The following KANK1 variants were observed in gnomAD, a reference collection of about 807,000 sequenced individuals.
KANK1 encodes KN motif and ankyrin repeat domain-containing protein 1.
Under a neutral mutation model 106.2 loss-of-function variants are expected in KANK1, and 109 were observed. That is an observed-to-expected ratio of 1.03 (90% CI 0.88 to 1.20). The LOEUF (loss-of-function observed/expected upper bound fraction) is 1.20. KANK1 is among the 50% of genes most tolerant of loss of function. The pLI is 0.00. For synonymous variants in KANK1, 873 were observed against 652.2 expected, an observed-to-expected ratio of 1.34 and a Z score of -5.16; for missense variants, 2,399 against 1,710.7, an observed-to-expected ratio of 1.40 and a Z score of -7.10.
rs184944074 is a variant in KANK1 at position 606,876 on chromosome 9, A to G, written c.-83-70014A>G. ...TGTGGAAATAGCAGAAAGGAAAAAC[A>G]AAGTCCCTGCTCTCAGAAGGTTTAG... On this transcript the variant is annotated intron_variant, in intron 1 of 11. Transcript: ENST00000382297. Among the ~76,000 whole-genome samples the G allele has an allele frequency of 6.3e-3, 949 of 151,802 alleles. 13 individuals are homozygous for G. Among genetic ancestry groups the G allele is most frequent in the South Asian group, 0.043 (208 of 4,818 alleles).
chr9:649,807 G>A (rs1840485228), intron 1 of KANK1, among the ~76,000 whole-genome samples: 1 of 152,148 alleles, frequency 6.6e-6, no homozygotes, highest in African/African-American at 2.4e-5. Context: ...GGTGTAAAAT[G>A]CTTTTGTCCC....
chr9:487,499 G>C (rs2058312696), intron 3 of KANK1, among the ~76,000 whole-genome samples: 1 of 152,142 alleles, frequency 6.6e-6, no homozygotes, highest in Non-Finnish European at 1.5e-5. Context: ...GGTTCATTGG[G>C]ATGTCATAAC....
At chr9:695,614 G>T (rs732118) in intron 2 of KANK1, among the ~76,000 whole-genome samples, 112,843 of 149,128 alleles carry the variant, frequency 0.76, 42,590 homozygotes, top group Middle Eastern at 0.82. Flanking sequence ...TTCGTGGGGG[G>T]GGGGGCAAGG....
intron 1 of KANK1, among the ~76,000 whole-genome samples, chr9:625,549 A>G (rs1390798554): frequency 6.6e-6 from 1 of 151,588 alleles, no homozygotes; most frequent in East Asian, 1.9e-4. Context: ...TAAAAGTTCT[A>G]TATTTCTACA....
chr9:639,409 C>T (rs1319598703), intron 1 of KANK1, among the ~76,000 whole-genome samples: 1 of 152,134 alleles, frequency 6.6e-6, no homozygotes, highest in Non-Finnish European at 1.5e-5. Context: ...CTCCTCCTCC[C>T]TGGCTCAAGG....
intron 2 of KANK1, among the ~76,000 whole-genome samples, chr9:681,451 TTGATA>T (rs1490934595): frequency 6.6e-6 from 1 of 152,172 alleles, no homozygotes; most frequent in Admixed American, 6.5e-5. Context: ...AATGCACTGA[TTGATA>T]CCTCTCTAAA....
At chr9:497,119 CT>C (rs1170837698) in intron 3 of KANK1, among the ~76,000 whole-genome samples, 2 of 152,200 alleles carry the variant, frequency 1.3e-5, no homozygotes, top group African/African-American at 4.8e-5. Flanking sequence ...CTTTCCTTTC[CT>C]TTCAAACAGT....
intron 2 of KANK1, among the ~76,000 whole-genome samples, chr9:679,106 C>T (rs1056969156): frequency 5.3e-5 from 8 of 152,128 alleles, no homozygotes; most frequent in Non-Finnish European, 1.2e-4. Context: ...CAGGTCTGGG[C>T]ATTGAGGTTG....
chr9:647,716 T>C (rs748096889), intron 1 of KANK1, among the ~76,000 whole-genome samples: 1 of 150,936 alleles, frequency 6.6e-6, no homozygotes, highest in Non-Finnish European at 1.5e-5. Context: ...AGCTATTTTT[T>C]ACTTGTTAAC....
Position 642,047 on chromosome 9 carries a change from G to A in KANK1, c.-83-34843G>A, listed in dbSNP as rs141385638. Among the ~76,000 whole-genome samples, 25 of 152,168 alleles carry A rather than the reference G, an allele frequency of 1.6e-4. No individual in the cohort carries two copies. In the East Asian group the frequency reaches 4.8e-3, roughly 29 times the overall value. ...CATTATTCTACTTTCTGTGTCCATG[G>A]GTATATTAAATACTGTGTTGTAACT... On this transcript the variant is annotated intron_variant, in intron 1 of 11. Coordinates refer to ENST00000382297, the MANE Select transcript of KANK1 (RefSeq NM_015158.5).
At chr9:607,357 C>T (rs1177059383) in intron 1 of KANK1, among the ~76,000 whole-genome samples, 3 of 151,500 alleles carry the variant, frequency 2.0e-5, no homozygotes, top group African/African-American at 2.4e-5. Flanking sequence ...TGGCGACGCA[C>T]ACCTGTAGTC....
At chr9:542,964 T>C (rs1350442087) in intron 1 of KANK1, among the ~76,000 whole-genome samples, 1 of 152,192 alleles carries the variant, frequency 6.6e-6, no homozygotes, top group East Asian at 1.9e-4. Flanking sequence ...TCTGGAGATC[T>C]ATTGTACAGT....
intron 1 of KANK1, among the ~76,000 whole-genome samples, chr9:508,591 G>C (rs1040180699): frequency 2.6e-5 from 4 of 151,784 alleles, no homozygotes; most frequent in African/African-American, 9.7e-5. Flanking sequence ...AAGAGTAACC[G>C]TTGTGCCAAC....
At chr9:578,436 A>G (rs1299315389) in intron 1 of KANK1, among the ~76,000 whole-genome samples, 3 of 151,730 alleles carry the variant, frequency 2.0e-5, no homozygotes, top group Non-Finnish European at 4.4e-5. Context: ...TAAATGTTTC[A>G]TTTCTTATTA....
chr9:480,817 A>T (rs1348392161), intron 3 of KANK1, among the ~76,000 whole-genome samples: 1 of 152,190 alleles, frequency 6.6e-6, no homozygotes. Flanking sequence ...AAATTCCTTA[A>T]GGGGTTGGGC....
intron 1 of KANK1, among the ~76,000 whole-genome samples, chr9:538,688 G>C (rs574557247): frequency 2.6e-5 from 4 of 152,184 alleles, no homozygotes; most frequent in African/African-American, 4.8e-5. Context: ...CATAAGGAAG[G>C]AGTCAGAGTT....
intron 1 of KANK1, among the ~76,000 whole-genome samples, chr9:658,505 A>G (rs1302773772): frequency 6.6e-6 from 1 of 151,986 alleles, no homozygotes; most frequent in Non-Finnish European, 1.5e-5. Flanking sequence ...TGAAGACCGC[A>G]TTGTCAATTT....
At chr9:559,166 C>T (rs1815703819) in intron 1 of KANK1, among the ~76,000 whole-genome samples, 1 of 151,968 alleles carries the variant, frequency 6.6e-6, no homozygotes, top group Non-Finnish European at 1.5e-5. Context: ...AGATTTGTCA[C>T]CTTCTTGTGA....
At chr9:709,069 C>T (rs1275558398) in intron 2 of KANK1, among the ~76,000 whole-genome samples, 1 of 152,168 alleles carries the variant, frequency 6.6e-6, no homozygotes, top group African/African-American at 2.4e-5. Flanking sequence ...TTGCCCTTAT[C>T]TTCATTCTTT....
Sources: allele counts gnomAD v4.1 joint callset (sites outside exome capture counted in the v4.1 genomes callset), GRCh38; gene constraint gnomAD v4.1.1; transcripts MANE v1.5; gene names NCBI Gene and HGNC (gene_info 2026-07-23, HGNC 2026-07-21).